Variants in ACOXL observed in about 807,000 individuals in gnomAD.
The protein encoded by ACOXL is acyl-CoA oxidase like.
A neutral mutation model predicts 71.9 loss-of-function variants in ACOXL; 70 were observed. The ratio of observed to expected loss-of-function variants is 0.97; its 90% CI spans 0.80 to 1.19. ACOXL has a LOEUF of 1.19. Among genes scored for constraint, ACOXL ranks in the 50% most tolerant of loss-of-function variants. The probability of loss-of-function intolerance (pLI) is 0.00; values close to 1 mark genes in which losing one functional copy is unlikely to be tolerated. For missense variants in ACOXL, 703 were observed against 736.3 expected (o/e 0.95, Z 0.52); for synonymous variants, 253 against 281.6 (o/e 0.90, Z 1.02).
intron 9 of ACOXL, among the ~76,000 whole-genome samples, chr2:110,829,778 C>T (rs2105615566): frequency 6.6e-6 from 1 of 152,322 alleles, no homozygotes; most frequent in South Asian, 2.1e-4. Context: ...TCATTTCTCT[C>T]CCATCAAATC....
At chr2:111,061,497 G>A (rs1224592875) in intron 16 of ACOXL, among the ~76,000 whole-genome samples, 2 of 152,108 alleles carry the variant, frequency 1.3e-5, no homozygotes, top group Non-Finnish European at 2.9e-5. Context: ...TAACAAAGTG[G>A]AAAGAAGTTC....
chr2:110,924,448 G>T (rs1426166491), intron 11 of ACOXL, among the ~76,000 whole-genome samples: 3 of 152,174 alleles, frequency 2.0e-5, no homozygotes, highest in Non-Finnish European at 4.4e-5. Context: ...AAACCTTGCT[G>T]CTGCCCTATC....
intron 10 of ACOXL, among the ~76,000 whole-genome samples, chr2:110,853,144 C>T: frequency 6.6e-6 from 1 of 152,186 alleles, no homozygotes; most frequent in Non-Finnish European, 1.5e-5. Flanking sequence ...ATCTCCTCCT[C>T]CTATACCTGT....
At chr2:111,089,669 G>T (rs1357150775) in intron 16 of ACOXL, among the ~76,000 whole-genome samples, 1 of 152,168 alleles carries the variant, frequency 6.6e-6, no homozygotes, top group African/African-American at 2.4e-5. Context: ...AGTTTATGGG[G>T]GGAAAGGCTT....
At chr2:111,023,780 C>T (rs2064887665) in intron 14 of ACOXL, among the ~76,000 whole-genome samples, 1 of 152,144 alleles carries the variant, frequency 6.6e-6, no homozygotes, top group African/African-American at 2.4e-5. Flanking sequence ...GAAGCTGTCA[C>T]AGCTGGGGAA....
intron 10 of ACOXL, among the ~76,000 whole-genome samples, chr2:110,863,320 A>G (rs1694177611): frequency 6.6e-6 from 1 of 152,216 alleles, no homozygotes; most frequent in Non-Finnish European, 1.5e-5. Flanking sequence ...TGTTGAGTTA[A>G]TTTTAAAAAG....
chr2:110,806,880 A>G (rs1345966016), intron 9 of ACOXL, among the ~76,000 whole-genome samples: 1 of 150,038 alleles, frequency 6.7e-6, no homozygotes, highest in Non-Finnish European at 1.5e-5. Context: ...GTGTGGGGCA[A>G]GGTGTGGGGT....
intron 9 of ACOXL, among the ~76,000 whole-genome samples, chr2:110,816,500 G>C (rs1687938556): frequency 6.6e-6 from 1 of 152,104 alleles, no homozygotes; most frequent in Non-Finnish European, 1.5e-5. Flanking sequence ...TGCACCCCAG[G>C]GTATTTTCAG....
intron 15 of ACOXL, among the ~76,000 whole-genome samples, chr2:111,041,356 A>G (rs976035997): frequency 1.3e-5 from 2 of 152,112 alleles, no homozygotes; most frequent in Non-Finnish European, 2.9e-5. Context: ...TATCTTCCCA[A>G]TTTAAGTGTG....
At chr2:110,803,722 A>G (rs1015294637) in intron 8 of ACOXL, among the ~76,000 whole-genome samples, 1 of 152,254 alleles carries the variant, frequency 6.6e-6, no homozygotes, top group African/African-American at 2.4e-5. Context: ...CTATGAATAA[A>G]GTGAAAACCT....
intron 16 of ACOXL, among the ~76,000 whole-genome samples, chr2:111,068,763 A>G (rs1160552397): frequency 6.6e-6 from 1 of 152,070 alleles, no homozygotes; most frequent in Non-Finnish European, 1.5e-5. Context: ...CCCCAACACC[A>G]CTAATGCAGG....
intron 16 of ACOXL, among the ~76,000 whole-genome samples, chr2:111,063,935 AAGAG>A (rs758429945): frequency 6.6e-6 from 1 of 152,208 alleles, no homozygotes; most frequent in African/African-American, 2.4e-5. Context: ...AAATGAACGA[AAGAG>A]AGAGAGAAAG....
At chr2:110,787,359 C>T (rs1684091447) in intron 3 of ACOXL, among the ~76,000 whole-genome samples, 1 of 151,802 alleles carries the variant, frequency 6.6e-6, no homozygotes, top group Non-Finnish European at 1.5e-5. Context: ...ATGGTTAAAC[C>T]CTGTCTCCAC....
chr2:110,878,176 AAAG>A (rs1267069024), intron 10 of ACOXL, among the ~76,000 whole-genome samples: 1 of 152,226 alleles, frequency 6.6e-6, no homozygotes, highest in Non-Finnish European at 1.5e-5. Context: ...TCAAGAAGCA[AAAG>A]AAGGTGTCAA....
chr2:111,100,295 A>G (rs1425117842), intron 17 of ACOXL: 3 of 152,802 alleles, frequency 2.0e-5, no homozygotes, highest in East Asian at 3.9e-4. Context: ...CAAATAATGG[A>G]ATCATGTGAG....
At chr2:110,967,512 T>C (rs1272693946) in intron 12 of ACOXL, among the ~76,000 whole-genome samples, 2 of 152,176 alleles carry the variant, frequency 1.3e-5, no homozygotes, top group Non-Finnish European at 2.9e-5. Context: ...GAGACCTAAA[T>C]GGAGGTAAGG....
intron 12 of ACOXL, among the ~76,000 whole-genome samples, chr2:110,953,482 A>T (rs1414010151): frequency 6.6e-6 from 1 of 152,020 alleles, no homozygotes; most frequent in African/African-American, 2.4e-5. Context: ...CTGCAATTGG[A>T]TGCAGGGTTT....
At chr2:110,977,105 G>A (rs752853161) in intron 12 of ACOXL, among the ~76,000 whole-genome samples, 15 of 151,988 alleles carry the variant, frequency 9.9e-5, no homozygotes, top group Non-Finnish European at 2.1e-4. Flanking sequence ...ATTCTCTCCC[G>A]GCTGGGCATG....
intron 2 of ACOXL, among the ~76,000 whole-genome samples, chr2:110,776,992 A>G (rs1265820372): frequency 6.6e-6 from 1 of 151,884 alleles, no homozygotes; most frequent in Non-Finnish European, 1.5e-5. Context: ...ACACTGATAC[A>G]TGGAAGTGGA....
Sources: allele counts gnomAD v4.1 joint callset (sites outside exome capture counted in the v4.1 genomes callset), GRCh38; gene constraint gnomAD v4.1.1; transcripts MANE v1.5; gene names NCBI Gene and HGNC (gene_info 2026-07-23, HGNC 2026-07-21).